The following EPHB1 variants were observed in gnomAD, a reference collection of about 807,000 sequenced individuals.
EPHB1 encodes EPH receptor B1, also known as ephrin type-B receptor 1.
EPHB1 carries 30 observed loss-of-function variants against 94.4 expected under a neutral mutation model. The observed-to-expected ratio is 0.32, with a 90% CI of 0.24 to 0.43. The LOEUF is 0.43. Ranked by LOEUF, EPHB1 falls within the 20% of genes least tolerant of loss-of-function variation. EPHB1 has a pLI of 1.00. For missense variants in EPHB1, 1,055 were observed against 1,308.3 expected (o/e 0.81, Z 2.99); for synonymous variants, 522 against 489.1 (o/e 1.07, Z -0.89).
At chr3:134,845,866 C>T (rs1304324378) in intron 1 of EPHB1, among the ~76,000 whole-genome samples, 1 of 152,208 alleles carries the variant, frequency 6.6e-6, no homozygotes, top group Non-Finnish European at 1.5e-5. Flanking sequence ...ACAGAGGATG[C>T]ACCCTGCCCT....
At chr3:135,176,629 G>A (rs558436659) in intron 9 of EPHB1, among the ~76,000 whole-genome samples, 4 of 152,252 alleles carry the variant, frequency 2.6e-5, no homozygotes, top group Admixed American at 6.5e-5. Flanking sequence ...ACTTTGTTCC[G>A]TTTATGTGCA....
At chr3:135,130,369 A>G (rs1220138891) in intron 4 of EPHB1, among the ~76,000 whole-genome samples, 2 of 152,240 alleles carry the variant, frequency 1.3e-5, no homozygotes, top group African/African-American at 2.4e-5. Flanking sequence ...GATTTGTCAC[A>G]TAGAAAGCCA....
At chr3:135,006,906 G>T (rs1397289452) in intron 3 of EPHB1, among the ~76,000 whole-genome samples, 2 of 151,776 alleles carry the variant, frequency 1.3e-5, no homozygotes, top group Non-Finnish European at 2.9e-5. Context: ...CAAATATTTT[G>T]ATCTTTGCCA....
chr3:134,930,578 C>G lies in EPHB1; in HGVS notation c.123+4698C>G, dbSNP rs182960974. Among the ~76,000 whole-genome samples, 158 of 152,278 alleles carry G rather than the reference C, an allele frequency of 1.0e-3. 1 individual carries two copies. Among genetic ancestry groups the G allele is most frequent in the African/African-American group, 3.5e-3 (144 of 41,564 alleles). On this transcript the variant is annotated intron_variant, in intron 2 of 15. Coordinates refer to ENST00000398015, the MANE Select transcript of EPHB1 (RefSeq NM_004441.5). ...CCCTAACCTTTACATTTCTGGACCT[C>G]TAGGCAGTGGGGAGTTCAGAGAGGT...
intron 2 of EPHB1, among the ~76,000 whole-genome samples, chr3:134,940,961 G>A (rs1376327523): frequency 1.3e-5 from 2 of 152,176 alleles, no homozygotes; most frequent in East Asian, 1.9e-4. Flanking sequence ...AGCTGGGATC[G>A]TATTAGGTCA....
chr3:135,043,489 G>A (rs915048808), intron 3 of EPHB1, among the ~76,000 whole-genome samples: 3 of 152,164 alleles, frequency 2.0e-5, no homozygotes, highest in Non-Finnish European at 4.4e-5. Flanking sequence ...GAAGCCTGGA[G>A]TGAAGTCTCT....
chr3:134,968,618 A>G (rs116603500), intron 3 of EPHB1, among the ~76,000 whole-genome samples: 2,520 of 152,266 alleles, frequency 0.017, 49 homozygotes, highest in African/African-American at 0.045. Context: ...TTCTTAACTT[A>G]TTTAAGTGGA....
chr3:134,829,207 A>G (rs2036538203), intron 1 of EPHB1, among the ~76,000 whole-genome samples: 1 of 152,250 alleles, frequency 6.6e-6, no homozygotes, highest in Admixed American at 6.5e-5. Flanking sequence ...CATTCTTTTA[A>G]TTAACCACCA....
Position 135,021,103 on chromosome 3 carries a change from G to T in EPHB1, c.805+69051G>T, listed in dbSNP as rs192795611. ...ACAGTTGTAAACTAAGCTACATCCT[G>T]GTTAGACAAGTCACCTCTCTTATTG... On this transcript the variant is annotated intron_variant, in intron 3 of 15. Transcript: ENST00000398015. Among the ~76,000 whole-genome samples, 10 of 152,168 alleles carry T rather than the reference G, an allele frequency of 6.6e-5. No homozygotes were observed. In the East Asian group the frequency reaches 1.5e-3, roughly 23 times the overall value.
chr3:135,006,572 G>A (rs1935424516), intron 3 of EPHB1, among the ~76,000 whole-genome samples: 1 of 152,242 alleles, frequency 6.6e-6, no homozygotes, highest in South Asian at 2.1e-4. Context: ...GCATATACCT[G>A]TAATCCTAGC....
At chr3:135,217,599 G>T (rs1052120416) in intron 12 of EPHB1, among the ~76,000 whole-genome samples, 1 of 152,038 alleles carries the variant, frequency 6.6e-6, no homozygotes, top group African/African-American at 2.4e-5. Flanking sequence ...ATCACCCAGG[G>T]CTACCCAGAA....
rs181948797 is a variant in EPHB1, at chr3:135,144,999, A to G, written c.1298-9153A>G. ...GAAGAATAATTAATTCTGCTTTTGTATTTATACCCAGTCTCCAAATTAATT... is the reference window on the plus strand; with the variant it reads ...GAAGAATAATTAATTCTGCTTTTGTGTTTATACCCAGTCTCCAAATTAATT... On this transcript the variant is annotated intron_variant, in intron 5 of 15. Transcript: ENST00000398015. 5.5e-3 allele frequency among the ~76,000 whole-genome samples: 845 copies of G among 152,338 alleles called. 8 individuals carry two copies. Among genetic ancestry groups the G allele is most frequent in the Non-Finnish European group, 0.01 (698 of 68,026 alleles).
At chr3:135,030,062 T>C (rs12634223) in intron 3 of EPHB1, among the ~76,000 whole-genome samples, 37,519 of 150,836 alleles carry the variant, frequency 0.25, 6,263 homozygotes, top group East Asian at 0.71. Flanking sequence ...CGAGCCTTGG[T>C]TTTCAGCTCC....
chr3:135,256,597 C>A (rs1337333760), intron 15 of EPHB1, among the ~76,000 whole-genome samples: 3 of 152,222 alleles, frequency 2.0e-5, no homozygotes, highest in Non-Finnish European at 1.5e-5. Flanking sequence ...TGCTGTTAGT[C>A]TGATGGGCTT....
intron 9 of EPHB1, among the ~76,000 whole-genome samples, chr3:135,176,207 C>T (rs1398085972): frequency 6.6e-6 from 1 of 152,110 alleles, no homozygotes; most frequent in East Asian, 1.9e-4. Context: ...ACACAGACTG[C>T]CGCCCCACAC....
intron 1 of EPHB1, among the ~76,000 whole-genome samples, chr3:134,837,580 G>A (rs2036695647): frequency 6.6e-6 from 1 of 152,210 alleles, no homozygotes; most frequent in African/African-American, 2.4e-5. Flanking sequence ...TAGGGCTGGT[G>A]AGACTGGGTG....
Position 135,248,207 on chromosome 3 carries a change from G to C in EPHB1, c.2497-109G>C, listed in dbSNP as rs887358753. 3 of 1,051,506 alleles carry C rather than the reference G, an allele frequency of 2.9e-6. No homozygotes were observed. The African/African-American group carries it at 4.8e-5, about 17-fold the overall frequency. The allele number at this position is 1,051,506 out of a possible 1,614,324, so 65.1% of individuals were successfully genotyped here. A position where few individuals can be genotyped will look rare whatever the true frequency, so the allele number is the denominator to read the frequency against. ...GAAGGTGTGCAAGCACAGAGCAAGG[G>C]CATCTGAGACAGCCTGGATCAGGGA... On this transcript the variant is annotated intron_variant, in intron 13 of 15. Coordinates refer to ENST00000398015, the MANE Select transcript of EPHB1 (RefSeq NM_004441.5).
chr3:134,863,846 G>A (rs771304013), intron 1 of EPHB1, among the ~76,000 whole-genome samples: 34 of 152,204 alleles, frequency 2.2e-4, no homozygotes, highest in Admixed American at 3.9e-4. Context: ...TTCCTATGCC[G>A]TAGACTGCTT....
At chr3:134,958,942 A>G (rs560182495) in intron 3 of EPHB1, among the ~76,000 whole-genome samples, 1 of 152,316 alleles carries the variant, frequency 6.6e-6, no homozygotes, top group East Asian at 1.9e-4. Flanking sequence ...CAGGGCTAGA[A>G]GCACCCAAAT....
Sources: gnomAD v4.1 joint callset for allele counts (sites outside exome capture counted in the v4.1 genomes callset) on GRCh38, gnomAD v4.1.1 for gene constraint, MANE v1.5 for transcripts, NCBI Gene and HGNC (gene_info 2026-07-23, HGNC 2026-07-21) for gene names.